Variants in SAMD3 observed in about 807,000 individuals in gnomAD.
SAMD3 encodes the protein sterile alpha motif domain-containing protein 3.
A neutral mutation model predicts 58.5 loss-of-function variants in SAMD3; 63 were observed. That is an observed-to-expected ratio of 1.08 (90% CI 0.88 to 1.33). The LOEUF (loss-of-function observed/expected upper bound fraction) is 1.33. SAMD3 is among the 40% of genes most tolerant of loss of function. SAMD3 has a pLI of 0.00. For synonymous variants in SAMD3, 220 were observed against 210.3 expected (o/e 1.05, Z -0.40); for missense variants, 604 against 608.4 (o/e 0.99, Z 0.08).
At chr6:130,179,652 T>TAATACTC (rs1316358399) in intron 7 of SAMD3, among the ~76,000 whole-genome samples, 2 of 151,404 alleles carry the variant, frequency 1.3e-5, no homozygotes, top group African/African-American at 2.4e-5. Flanking sequence ...ATGCAATGCA[T>TAATACTC]AATACTCAAT....
At position 130,210,106 on chromosome 6, in the gene SAMD3, T is replaced by A. The variant is rs74926108; in HGVS notation, c.270-498A>T. Among the ~76,000 whole-genome samples, 1,470 of 152,298 alleles carry A rather than the reference T, an allele frequency of 9.7e-3. 24 individuals carry two copies. Among genetic ancestry groups the A allele is most frequent in the African/African-American group, 0.032 (1,314 of 41,556 alleles). ...GCCTAGAAGGCAGAGCAACTCCTGG[T>A]GAGCTACTCAGTAGCAGTGCCAGGA... On this transcript the variant is annotated intron_variant, in intron 4 of 11. Transcript: ENST00000439090.
At chr6:130,168,823 G>C (rs1276202801) in intron 8 of SAMD3, among the ~76,000 whole-genome samples, 2 of 151,812 alleles carry the variant, frequency 1.3e-5, no homozygotes, top group Non-Finnish European at 2.9e-5. Context: ...TTTTTCTTGA[G>C]ACAGGGTCTG....
At chr6:130,229,774 C>T (rs925771619) in intron 2 of SAMD3, among the ~76,000 whole-genome samples, 2 of 152,118 alleles carry the variant, frequency 1.3e-5, no homozygotes, top group African/African-American at 4.8e-5. Flanking sequence ...CTTAGTGCTA[C>T]GTTTGGCACA....
chr6:130,323,285 C>T (rs1776645824), intron 1 of SAMD3, among the ~76,000 whole-genome samples: 1 of 152,120 alleles, frequency 6.6e-6, no homozygotes, highest in Non-Finnish European at 1.5e-5. Flanking sequence ...TCCCTACTTC[C>T]TCTTTACCCA....
intron 8 of SAMD3, among the ~76,000 whole-genome samples, chr6:130,169,464 G>C (rs1282457896): frequency 1.3e-5 from 2 of 152,208 alleles, no homozygotes; most frequent in Admixed American, 1.3e-4. Context: ...TTACTAATTA[G>C]ATTTGTTTGC....
At chr6:130,195,016 A>C (rs539298298) in intron 5 of SAMD3, among the ~76,000 whole-genome samples, 1 of 149,778 alleles carries the variant, frequency 6.7e-6, no homozygotes, top group Admixed American at 6.6e-5. Context: ...ACCTCTTAAA[A>C]CCCCCCAACT....
At chr6:130,288,781 C>T (rs943971775) in intron 2 of SAMD3, among the ~76,000 whole-genome samples, 3 of 152,116 alleles carry the variant, frequency 2.0e-5, no homozygotes, top group African/African-American at 7.2e-5. Context: ...AGAGTAGTTG[C>T]CAAGTGAAAT....
chr6:130,316,163 C>T (rs941729654), intron 1 of SAMD3, among the ~76,000 whole-genome samples: 4 of 151,728 alleles, frequency 2.6e-5, no homozygotes, highest in Non-Finnish European at 5.9e-5. Context: ...TGGTGGCAGT[C>T]GCCTGTAACC....
chr6:130,235,763 G>A (rs149726572), intron 2 of SAMD3, among the ~76,000 whole-genome samples: 1 of 152,294 alleles, frequency 6.6e-6, no homozygotes, highest in East Asian at 1.9e-4. Flanking sequence ...TTCAAATTAT[G>A]TAGTAGAGGC....
At chr6:130,330,302 G>A (rs1457985971) in intron 1 of SAMD3, among the ~76,000 whole-genome samples, 2 of 152,118 alleles carry the variant, frequency 1.3e-5, no homozygotes, top group African/African-American at 4.8e-5. Flanking sequence ...TTGGGGTGTT[G>A]GTATAGAAGA....
intron 1 of SAMD3, among the ~76,000 whole-genome samples, chr6:130,358,634 A>G (rs1158758658): frequency 6.6e-6 from 1 of 152,144 alleles, no homozygotes; most frequent in Admixed American, 6.5e-5. Flanking sequence ...AAAATTGTCT[A>G]AAATAAAAAT....
chr6:130,322,261 TGA>T (rs140576072), intron 1 of SAMD3, among the ~76,000 whole-genome samples: 2 of 151,560 alleles, frequency 1.3e-5, no homozygotes, highest in Non-Finnish European at 2.9e-5. Context: ...AGCAGCAGGC[TGA>T]GAGAGAGAGA....
intron 1 of SAMD3, among the ~76,000 whole-genome samples, chr6:130,342,332 C>T (rs1241735698): frequency 6.6e-6 from 1 of 152,156 alleles, no homozygotes; most frequent in Non-Finnish European, 1.5e-5. Context: ...TTTTTGCTAT[C>T]ATGCATAAAC....
At chr6:130,324,739 A>G (rs1337958917) in intron 1 of SAMD3, among the ~76,000 whole-genome samples, 1 of 151,696 alleles carries the variant, frequency 6.6e-6, no homozygotes, top group Non-Finnish European at 1.5e-5. Context: ...AAACAGCTGA[A>G]AGTAAAATAA....
chr6:130,213,592 T>C (rs1201087352), intron 4 of SAMD3, among the ~76,000 whole-genome samples: 1 of 152,114 alleles, frequency 6.6e-6, no homozygotes, highest in Non-Finnish European at 1.5e-5. Flanking sequence ...AAAAAAATCT[T>C]GAAAATGGAA....
intron 4 of SAMD3, among the ~76,000 whole-genome samples, chr6:130,210,148 C>T (rs1795404768): frequency 6.6e-6 from 1 of 152,172 alleles, no homozygotes; most frequent in South Asian, 2.1e-4. Context: ...CTCAGTTTTG[C>T]ACCTTCCTGA....
In SAMD3 at chr6:130,326,366, C is replaced by G. The variant is rs369708451; in HGVS notation, c.-303-13273G>C. Reference sequence around the variant, plus strand: ...GTTTCCATCTCTAGAAATGCCTGGTCATTTTTTTTTTTTTTTTGCAAACTT... The same window carrying G: ...GTTTCCATCTCTAGAAATGCCTGGTGATTTTTTTTTTTTTTTTGCAAACTT... On this transcript the variant is annotated intron_variant, in intron 1 of 13. Coordinates refer to the SAMD3 transcript ENST00000368134. Among the ~76,000 whole-genome samples, 7 of 113,266 alleles carry G rather than the reference C, an allele frequency of 6.2e-5. No homozygotes were observed. In the South Asian group the frequency reaches 1.9e-3, roughly 31 times the overall value. The allele number at this position is 113,266 out of a possible 152,430, so 74.3% of individuals were successfully genotyped here.
At chr6:130,172,146 G>T (rs1791310525) in intron 8 of SAMD3, among the ~76,000 whole-genome samples, 1 of 152,116 alleles carries the variant, frequency 6.6e-6, no homozygotes, top group African/African-American at 2.4e-5. Flanking sequence ...ACACTGATGG[G>T]TCTTGACTCT....
At chr6:130,274,856 TC>T (rs1423007557) in intron 2 of SAMD3, among the ~76,000 whole-genome samples, 1 of 152,082 alleles carries the variant, frequency 6.6e-6, no homozygotes, top group Non-Finnish European at 1.5e-5. Context: ...TTGCAATGTC[TC>T]TTAAGACTCT....
Sources: allele counts gnomAD v4.1 joint callset (sites outside exome capture counted in the v4.1 genomes callset), GRCh38; gene constraint gnomAD v4.1.1; transcripts MANE v1.5; gene names NCBI Gene and HGNC (gene_info 2026-07-23, HGNC 2026-07-21).